The following VPS13B variants were observed in gnomAD, a reference collection of about 807,000 sequenced individuals.
VPS13B encodes intermembrane lipid transfer protein VPS13B.
A neutral mutation model predicts 426.4 loss-of-function variants in VPS13B; 285 were observed. That is an observed-to-expected ratio of 0.67 (90% CI 0.61 to 0.74). The LOEUF (loss-of-function observed/expected upper bound fraction) is 0.74, where lower values mean the gene tolerates loss of function less well. VPS13B is among the 30% of genes least tolerant of loss of function. VPS13B has a pLI of 0.00. For missense variants in VPS13B, 4,537 were observed against 4,782.6 expected, an observed-to-expected ratio of 0.95 and a Z score of 1.51; for synonymous variants, 1,676 against 1,676.4, an observed-to-expected ratio of 1.00 and a Z score of 0.01.
chr8:99,869,976 G>A lies in VPS13B; in HGVS notation c.11393-809G>A, dbSNP rs368362151. 2.0e-5 allele frequency among the ~76,000 whole-genome samples: 3 copies of A among 152,374 alleles called. No individual in the cohort carries two copies. The South Asian group carries it at 6.2e-4, about 32-fold the overall frequency. Reference sequence around the variant, plus strand: ...CCTCATTTGGTGCTGGCACCAGGGAGAGCATGTCATAAACCAGGGGCCCCA... The same window carrying A: ...CCTCATTTGGTGCTGGCACCAGGGAAAGCATGTCATAAACCAGGGGCCCCA... On this transcript the variant is annotated intron_variant, in intron 59 of 61. Coordinates refer to ENST00000357162, the MANE Select transcript of VPS13B (RefSeq NM_152564.5).
At chr8:99,567,479 G>GTTTT (rs200194869) in intron 31 of VPS13B, among the ~76,000 whole-genome samples, 1 of 131,860 alleles carries the variant, frequency 7.6e-6, no homozygotes, top group Admixed American at 7.2e-5. Flanking sequence ...TTTTGTTGGT[G>GTTTT]TTTTTTTTTT....
chr8:99,391,684 T>C lies in VPS13B; in HGVS notation c.3062T>C (p.Val1021Ala). 6.2e-7 allele frequency: 1 copy of C among 1,613,968 alleles called. No individual in the cohort carries two copies. The highest frequency in any genetic ancestry group is 1.1e-5 in the South Asian group (1 of 91,078). ...GCCTCTGAATATGCCAGCAGCCCTGTAAAAACAAAAACGGTAACAGGTATG... is the reference window on the plus strand; with the variant it reads ...GCCTCTGAATATGCCAGCAGCCCTGCAAAAACAAAAACGGTAACAGGTATG... ...YQASEYASSPVKTKTVTESRP... is the reference protein window; with the variant it reads ...YQASEYASSPAKTKTVTESRP... The change falls in exon 21 of 62, where the codon GTA becomes GCA. Residue 1021 changes from valine to alanine, a missense_variant. Around this residue, in one of 2 missense-constraint regions of VPS13B, gnomAD observed 4,311 missense variants for 4,474.3 expected, o/e 0.96. Transcript: ENST00000357162.
At chr8:99,232,712 C>T (rs1320232501) in intron 17 of VPS13B, among the ~76,000 whole-genome samples, 1 of 152,158 alleles carries the variant, frequency 6.6e-6, no homozygotes, top group Non-Finnish European at 1.5e-5. Context: ...TGGCTTTGAA[C>T]ACGTTCACCT....
intron 17 of VPS13B, among the ~76,000 whole-genome samples, chr8:99,219,707 C>T (rs1203219171): frequency 6.6e-6 from 1 of 152,164 alleles, no homozygotes; most frequent in Non-Finnish European, 1.5e-5. Context: ...GCTATAATGG[C>T]CTTAGTTCAT....
chr8:99,827,505 T>A (rs1814762470), intron 51 of VPS13B, among the ~76,000 whole-genome samples: 1 of 149,712 alleles, frequency 6.7e-6, no homozygotes, highest in African/African-American at 2.5e-5. Context: ...ATTTTGTTGA[T>A]CTTTTCAAAA....
At chr8:99,255,324 A>G (rs970511546) in intron 17 of VPS13B, among the ~76,000 whole-genome samples, 1 of 152,132 alleles carries the variant, frequency 6.6e-6, no homozygotes, top group Non-Finnish European at 1.5e-5. Flanking sequence ...GCATTTTTAT[A>G]ATGGCTGCTT....
chr8:99,548,659 A>T (rs1824116267), intron 30 of VPS13B, among the ~76,000 whole-genome samples: 1 of 152,002 alleles, frequency 6.6e-6, no homozygotes, highest in African/African-American at 2.4e-5. Context: ...ATTGGTTTTA[A>T]GTATGTATAG....
chr8:99,155,443 T>C (rs1811308637), intron 14 of VPS13B, among the ~76,000 whole-genome samples: 1 of 152,188 alleles, frequency 6.6e-6, no homozygotes, highest in African/African-American at 2.4e-5. Flanking sequence ...GAAAGGGACA[T>C]GGGACAGTCT....
chr8:99,502,971 A>T (rs962928712), intron 27 of VPS13B, 21 bp downstream of exon 27: 4 of 1,529,856 alleles, frequency 2.6e-6, no homozygotes, highest in Middle Eastern at 1.7e-4. Context: ...AATAATGAAT[A>T]TAAGAAAATC....
At chr8:99,457,716 G>A (rs1818562704) in intron 23 of VPS13B, among the ~76,000 whole-genome samples, 1 of 151,826 alleles carries the variant, frequency 6.6e-6, no homozygotes, top group African/African-American at 2.4e-5. Flanking sequence ...TATGATGTGG[G>A]CATTTAATGC....
chr8:99,229,800 G>A (rs1310462122), intron 17 of VPS13B, among the ~76,000 whole-genome samples: 1 of 152,146 alleles, frequency 6.6e-6, no homozygotes, highest in Non-Finnish European at 1.5e-5. Context: ...TAAGAATTTT[G>A]GATTTTATTC....
rs1814667877 is a variant in VPS13B, at chr8:99,826,101, G to A, written c.9330+2123G>A. On this transcript the variant is annotated intron_variant, in intron 51 of 61. Coordinates refer to ENST00000357162, the MANE Select transcript of VPS13B (RefSeq NM_152564.5). ...GTTTAAAGTAGTTTTTTCTAATTCT[G>A]TGAAGAAAGTCAATGGTAGCTTGAT... is the stretch of plus-strand genomic sequence containing the variant. Among the ~76,000 whole-genome samples the A allele has an allele frequency of 2.0e-5, 3 of 152,154 alleles. No individual in the cohort carries two copies. In the South Asian group the frequency reaches 6.2e-4, roughly 32 times the overall value.
At chr8:99,659,743 C>G (rs1830152710) in intron 34 of VPS13B, among the ~76,000 whole-genome samples, 1 of 152,170 alleles carries the variant, frequency 6.6e-6, no homozygotes, top group South Asian at 2.1e-4. Context: ...TTAATCATCT[C>G]TGTTCATTAT....
At chr8:99,503,893 C>T (rs754278573) in intron 27 of VPS13B, among the ~76,000 whole-genome samples, 1 of 152,192 alleles carries the variant, frequency 6.6e-6, no homozygotes, top group Non-Finnish European at 1.5e-5. Flanking sequence ...CATGAATGTT[C>T]TTAATGGTGT....
intron 34 of VPS13B, among the ~76,000 whole-genome samples, chr8:99,651,413 T>C (rs1829808712): frequency 6.6e-6 from 1 of 152,150 alleles, no homozygotes; most frequent in Non-Finnish European, 1.5e-5. Flanking sequence ...TTTTAATGAA[T>C]ATTAATATTA....
At chr8:99,833,685 TTATAA>T (rs1196651589) in intron 52 of VPS13B, among the ~76,000 whole-genome samples, 2 of 152,308 alleles carry the variant, frequency 1.3e-5, no homozygotes, top group East Asian at 3.9e-4. Context: ...CTATATGAAC[TTATAA>T]TAAATAAAAC....
chr8:99,841,915 A>G (rs569178044), intron 54 of VPS13B, among the ~76,000 whole-genome samples: 1 of 152,206 alleles, frequency 6.6e-6, no homozygotes, highest in South Asian at 2.1e-4. Flanking sequence ...GATTCCTAAG[A>G]CACAGACTCC....
At chr8:99,244,298 T>A (rs1817086965) in intron 17 of VPS13B, among the ~76,000 whole-genome samples, 1 of 152,250 alleles carries the variant, frequency 6.6e-6, no homozygotes, top group South Asian at 2.1e-4. Context: ...ACTGCAAGAT[T>A]ATAAATATTT....
intron 17 of VPS13B, among the ~76,000 whole-genome samples, chr8:99,246,161 C>G (rs1333775245): frequency 2.0e-5 from 3 of 152,206 alleles, no homozygotes; most frequent in African/African-American, 4.8e-5. Flanking sequence ...AACTGTAGGG[C>G]TTAACTTTAG....
Sources: allele counts gnomAD v4.1 joint callset (sites outside exome capture counted in the v4.1 genomes callset), GRCh38; gene constraint gnomAD v4.1.1; regional missense constraint gnomAD v4.1.1; transcripts MANE v1.5; gene names NCBI Gene and HGNC (gene_info 2026-07-23, HGNC 2026-07-21).